FLT1: variants seen among roughly 807,000 people sequenced by gnomAD.
FLT1 encodes the protein fms related receptor tyrosine kinase 1.
FLT1 carries 49 observed loss-of-function variants against 156.3 expected under a neutral mutation model. The observed-to-expected ratio is 0.31, with a 90% confidence interval of 0.25 to 0.40. The LOEUF (loss-of-function observed/expected upper bound fraction) is 0.40, where lower values mean the gene tolerates loss of function less well. Among genes scored for constraint, FLT1 ranks in the 10% least tolerant of loss-of-function variants. The probability of loss-of-function intolerance (pLI) is 1.00; values close to 1 mark genes in which losing one functional copy is unlikely to be tolerated. For missense variants in FLT1, 1,322 were observed against 1,637.2 expected (o/e 0.81, Z 3.32); for synonymous variants, 594 against 583.8 (o/e 1.02, Z -0.25).
chr13:28,342,620 G>A (rs1245952113), intron 16 of FLT1, among the ~76,000 whole-genome samples: 1 of 152,126 alleles, frequency 6.6e-6, no homozygotes, highest in African/African-American at 2.4e-5. Context: ...CTTATTGGTT[G>A]TTAATATCAA....
intron 3 of FLT1, among the ~76,000 whole-genome samples, chr13:28,442,356 G>A (rs2137568914): frequency 6.6e-6 from 1 of 152,196 alleles, no homozygotes; most frequent in Non-Finnish European, 1.5e-5. Flanking sequence ...AAAGGACACT[G>A]GCACAAAAAG....
At chr13:28,461,356 C>A (rs1879567041) in intron 3 of FLT1, among the ~76,000 whole-genome samples, 1 of 152,158 alleles carries the variant, frequency 6.6e-6, no homozygotes, top group Admixed American at 6.5e-5. Flanking sequence ...AGCTGCAACT[C>A]CAGTACAGGG....
rs190270399 is a variant in FLT1, at chr13:28,382,813, C to T, written c.2116+2072G>A. On this transcript the variant is annotated intron_variant, in intron 14 of 29. Transcript: ENST00000282397. ...TTTGATGTCAGTATAAGAGGAGGTG[C>T]TACTTTATGGAGAAAAATGAAGTGA... is the stretch of plus-strand genomic sequence containing the variant. Among the ~76,000 whole-genome samples, 31 of 152,258 alleles carry T rather than the reference C, an allele frequency of 2.0e-4. No homozygotes were observed. The South Asian group carries it at 6.4e-3, about 32-fold the overall frequency.
intron 20 of FLT1, among the ~76,000 whole-genome samples, chr13:28,323,337 C>G (rs1055369163): frequency 6.6e-6 from 1 of 152,122 alleles, no homozygotes; most frequent in African/African-American, 2.4e-5. Flanking sequence ...GTAAAGTAAT[C>G]AAATTCACAT....
At chr13:28,317,338 A>T (rs1477366596) in intron 25 of FLT1, among the ~76,000 whole-genome samples, 160 bp downstream of exon 25, 2 of 152,212 alleles carry the variant, frequency 1.3e-5, no homozygotes, top group African/African-American at 4.8e-5. Flanking sequence ...CTCCCAGCAT[A>T]TCTGGGCCTG....
chr13:28,406,217 C>T (rs17627009), intron 10 of FLT1, among the ~76,000 whole-genome samples: 4,235 of 151,910 alleles, frequency 0.028, 82 homozygotes, highest in Middle Eastern at 0.048. Flanking sequence ...CATTCAAACA[C>T]GGAAAAAATG....
intron 3 of FLT1, among the ~76,000 whole-genome samples, chr13:28,464,154 T>C (rs775822362): frequency 2.8e-4 from 42 of 152,346 alleles, no homozygotes; most frequent in Non-Finnish European, 5.1e-4. Flanking sequence ...GCTCATATAA[T>C]ATTCGTAGTA....
chr13:28,480,397 T>G (rs1488026925), intron 1 of FLT1, among the ~76,000 whole-genome samples: 1 of 152,230 alleles, frequency 6.6e-6, no homozygotes, highest in Non-Finnish European at 1.5e-5. Flanking sequence ...TAGATATATA[T>G]GTAATGATGC....
In FLT1 at chr13:28,425,792, C is replaced by T. The variant is rs1030828852; in HGVS notation, c.1436+1367G>A. The stretch of plus-strand genomic sequence containing the variant: ...ATGTCAAGACCCTAAACGGATGGGT[C>T]GATAAATATTGATGCATACCCCAAA... On this transcript the variant is annotated intron_variant, in intron 10 of 29. Transcript: ENST00000282397. Among the ~76,000 whole-genome samples, 5 of 151,676 alleles carry T rather than the reference C, an allele frequency of 3.3e-5. No individual in the cohort carries two copies. In the East Asian group the frequency reaches 5.8e-4, roughly 18 times the overall value.
Position 28,495,070 on chromosome 13 carries a change from G to T in FLT1, c.-227C>A. The T allele has an allele frequency of 2.1e-6, 1 of 469,068 alleles. No individual in the cohort carries two copies. The highest frequency in any genetic ancestry group is 3.9e-5 in the South Asian group (1 of 25,780). 29.1% of individuals were successfully genotyped at this position (469,068 alleles called of 1,614,324 possible). On this transcript the variant is annotated 5_prime_UTR_variant, in exon 1 of 30. Transcript: ENST00000282397. This position sits in a 1 kb window ranked among gnomAD's most constrained non-coding sequence, Gnocchi z 4.1. The stretch of plus-strand genomic sequence containing the variant: ...CCCGCTCCGAGCCGCCGCCGCTGCC[G>T]GGGAGGAGCCGAGAGGAGTGTCCGC...
chr13:28,435,548 C>G (rs1000975443), intron 4 of FLT1, among the ~76,000 whole-genome samples: 11 of 152,068 alleles, frequency 7.2e-5, no homozygotes, highest in African/African-American at 2.7e-4. Flanking sequence ...AAGGAAATAC[C>G]AAACAGCCAC....
intron 14 of FLT1, among the ~76,000 whole-genome samples, chr13:28,379,207 G>C (rs1007083237): frequency 2.6e-5 from 4 of 152,130 alleles, no homozygotes; most frequent in African/African-American, 9.7e-5. Flanking sequence ...GCCTGGCGTT[G>C]TGGCATGCAC....
chr13:28,466,761 T>C (rs748702465), intron 3 of FLT1, 142 bp downstream of exon 3: 4 of 715,480 alleles, frequency 5.6e-6, no homozygotes, highest in Non-Finnish European at 1.0e-5. Flanking sequence ...TCCACGAAAG[T>C]GTCTACAACT....
At chr13:28,305,069 C>T (rs550942681) in intron 29 of FLT1, among the ~76,000 whole-genome samples, 9 of 152,236 alleles carry the variant, frequency 5.9e-5, no homozygotes, top group South Asian at 4.1e-4. Context: ...TGCTGAGTCT[C>T]GGGATAACTG....
At chr13:28,419,158 T>G (rs991617255) in intron 10 of FLT1, among the ~76,000 whole-genome samples, 1 of 152,168 alleles carries the variant, frequency 6.6e-6, no homozygotes, top group Non-Finnish European at 1.5e-5. Flanking sequence ...GATTAGAAGC[T>G]CATTAAAAGG....
chr13:28,423,077 T>A (rs1877106666), intron 10 of FLT1, among the ~76,000 whole-genome samples: 1 of 151,914 alleles, frequency 6.6e-6, no homozygotes, highest in Admixed American at 6.6e-5. Flanking sequence ...CCTTGGGGGG[T>A]TTACTCGTAC....
At chr13:28,361,985 T>C (rs1873130460) in intron 14 of FLT1, among the ~76,000 whole-genome samples, 1 of 152,156 alleles carries the variant, frequency 6.6e-6, no homozygotes, top group Non-Finnish European at 1.5e-5. Context: ...GAGGAAAGCA[T>C]AGCATCTGCA....
At chr13:28,385,390 T>C (rs950249056) in intron 13 of FLT1, among the ~76,000 whole-genome samples, 11 of 152,204 alleles carry the variant, frequency 7.2e-5, no homozygotes, top group Non-Finnish European at 1.5e-4. Flanking sequence ...CATGATTTTG[T>C]GTATAGTCTT....
chr13:28,319,319 T>C (rs1258034136), intron 24 of FLT1, 104 bp downstream of exon 24: 5 of 765,182 alleles, frequency 6.5e-6, no homozygotes, highest in Non-Finnish European at 1.1e-5. Flanking sequence ...AGTTTTTTGT[T>C]ACAGTAGGTT....
Sources: allele counts gnomAD v4.1 joint callset (sites outside exome capture counted in the v4.1 genomes callset), GRCh38; gene constraint gnomAD v4.1.1; non-coding constraint Gnocchi (gnomAD v3.1); transcripts MANE v1.5; gene names NCBI Gene and HGNC (gene_info 2026-07-23, HGNC 2026-07-21).